The following COL12A1 variants were observed in gnomAD, a reference collection of about 807,000 sequenced individuals.
COL12A1 encodes collagen alpha-1(XII) chain.
In COL12A1, 114 loss-of-function variants were observed where a neutral mutation model predicts 349.7. The observed-to-expected ratio is 0.33, with a 90% confidence interval of 0.28 to 0.38. The LOEUF (loss-of-function observed/expected upper bound fraction) is 0.38, where lower values mean the gene tolerates loss of function less well. COL12A1 is among the 10% of genes least tolerant of loss of function. The probability of loss-of-function intolerance (pLI) is 1.00; values close to 1 mark genes in which losing one functional copy is unlikely to be tolerated. For synonymous variants in COL12A1, 1,369 were observed against 1,329.0 expected, an observed-to-expected ratio of 1.03 and a Z score of -0.66; for missense variants, 3,284 against 3,756.9, an observed-to-expected ratio of 0.87 and a Z score of 3.29.
At chr6:75,202,627 A>G (rs1770588992) in intron 2 of COL12A1, 93 bp downstream of exon 2, 1 of 1,268,272 alleles carries the variant, frequency 7.9e-7, no homozygotes, top group Non-Finnish European at 1.1e-6. Flanking sequence ...AAGCGCAGGG[A>G]AAACAGAGCA....
intron 27 of COL12A1, among the ~76,000 whole-genome samples, chr6:75,140,748 G>C (rs1766852101): frequency 1.3e-5 from 2 of 150,840 alleles, no homozygotes; most frequent in South Asian, 4.2e-4. Context: ...ACATGCCATT[G>C]AGCCTTTGGT....
rs754993978 is a variant in COL12A1, at chr6:75,145,366, G to A, written c.4650C>T (p.His1550=). 2.3e-5 allele frequency: 37 copies of A among 1,613,360 alleles called. No homozygotes were observed. Among genetic ancestry groups the A allele is most frequent in the East Asian group, 2.0e-4 (9 of 44,850 alleles). Residue 1550 remains histidine, a synonymous_variant, in exon 25 of 66, where the codon CAC becomes CAT. Transcript: ENST00000322507. ...CAGTGACAGGTTCACTAGTGAGGTC[G>A]TGCAGGACAGCCTGGACTGTGACTG... is the stretch of plus-strand genomic sequence containing the variant. The part of the protein sequence containing the change: ...EYAVTVQAVL[H]DLTSEPVTVR...
At chr6:75,181,710 G>A (rs780288188) in intron 10 of COL12A1, among the ~76,000 whole-genome samples, 2 of 151,914 alleles carry the variant, frequency 1.3e-5, no homozygotes, top group African/African-American at 4.8e-5. Flanking sequence ...CATAGAAAGA[G>A]ACAATGTTTA....
chr6:75,132,616 A>G (rs974782290), intron 34 of COL12A1, among the ~76,000 whole-genome samples: 9 of 152,202 alleles, frequency 5.9e-5, no homozygotes, highest in African/African-American at 1.9e-4. Flanking sequence ...AACTGCCCCA[A>G]TAGGAACTTA....
intron 39 of COL12A1, 24 bp downstream of exon 39, chr6:75,126,327 A>G (rs766124299): frequency 6.2e-7 from 1 of 1,600,060 alleles, no homozygotes; most frequent in East Asian, 2.2e-5. Context: ...AAGCATTTCT[A>G]TGATGACAAA....
At chr6:75,189,518 T>C in intron 6 of COL12A1, 34 bp downstream of exon 6, 2 of 1,590,758 alleles carry the variant, frequency 1.3e-6, no homozygotes, top group South Asian at 2.3e-5. Flanking sequence ...ACATTTCATT[T>C]ATTTTTAACT....
At chr6:75,162,854 T>C (rs918275572) in intron 14 of COL12A1, among the ~76,000 whole-genome samples, 4 of 152,122 alleles carry the variant, frequency 2.6e-5, no homozygotes, top group Non-Finnish European at 5.9e-5. Flanking sequence ...TGGCAAAGGA[T>C]ATTAATGGAC....
chr6:75,154,419 A>G lies in COL12A1; in HGVS notation c.3562T>C (p.Ser1188Pro), dbSNP rs1190415160. 6.2e-7 allele frequency: 1 copy of G among 1,611,326 alleles called. No individual in the cohort carries two copies. Among genetic ancestry groups the G allele is most frequent in the Admixed American group, 1.7e-5 (1 of 59,768 alleles). ...SDTTVMPILS[S>P]GMECLTRAEA... ...GGAATGTAACTCAATTTCTTACCAG[A>G]AGATAAAATTGGCATAACAGTTGTG... The change falls in exon 17 of 66, where the codon TCT becomes CCT. Residue 1188 changes from serine (S) to proline (P), a missense_variant. Physicochemically the swap from Ser to Pro is moderately conservative, Grantham distance 74. This residue lies in a region of COL12A1 where 2,601 missense variants were observed against 2,824.8 expected (regional missense o/e 0.92). Transcript: ENST00000322507.
At chr6:75,113,081 C>T in intron 51 of COL12A1, 123 bp downstream of exon 51, 2 of 501,674 alleles carry the variant, frequency 4.0e-6, no homozygotes, top group South Asian at 3.7e-5. Flanking sequence ...TTCTCTAAAA[C>T]AAGATTTTAT....
Position 75,119,493 on chromosome 6 carries a change from G to A in COL12A1, c.7087-20C>T, listed in dbSNP as rs745891966. 9 of 1,595,640 alleles carry A rather than the reference G, an allele frequency of 5.6e-6. No homozygotes were observed. The Admixed American group carries it at 1.6e-4, about 28-fold the overall frequency. ...TGAAACCTGAAGGAAAATGTGATTT[G>A]GCAGTGAGCATAAGTCATCTCATTT... On this transcript the variant is annotated intron_variant, in intron 44 of 65. Transcript: ENST00000322507.
rs1054567312 is a variant in COL12A1, at chr6:75,195,359, G to A, written c.74-412C>T. 7.9e-5 allele frequency among the ~76,000 whole-genome samples: 12 copies of A among 152,080 alleles called. 1 individual carries two copies. Reference sequence around the variant, plus strand: ...GAACAAGCATGCCAAATCACAACCTGCTTACAACCAGAGAAGTTAATTCAA... The same window carrying A: ...GAACAAGCATGCCAAATCACAACCTACTTACAACCAGAGAAGTTAATTCAA... On this transcript the variant is annotated intron_variant, in intron 2 of 65. Transcript: ENST00000322507.
intron 53 of COL12A1, among the ~76,000 whole-genome samples, chr6:75,106,200 G>A (rs1164084207): frequency 1.3e-5 from 2 of 152,192 alleles, no homozygotes; most frequent in African/African-American, 4.8e-5. Context: ...TTCTCTTAGG[G>A]AGAAGTCCCA....
rs966863892 is a variant in COL12A1, at chr6:75,191,685, T to A, written c.394+16A>T. ...CTTCCATGAATCTAAGCAAAAATAG[T>A]AAGAGAAACACTCACTTTGTATCTC... On this transcript the variant is annotated intron_variant, in intron 5 of 65. Coordinates refer to ENST00000322507, the MANE Select transcript of COL12A1 (RefSeq NM_004370.6). 4.4e-6 allele frequency: 7 copies of A among 1,582,354 alleles called. No homozygotes were observed. The highest frequency in any genetic ancestry group is 6.0e-6 in the Non-Finnish European group (7 of 1,163,662).
intron 17 of COL12A1, among the ~76,000 whole-genome samples, chr6:75,153,478 T>C (rs1375706676): frequency 2.0e-5 from 3 of 152,282 alleles, no homozygotes; most frequent in African/African-American, 4.8e-5. Flanking sequence ...CAAAAGCTTA[T>C]ATTACCAGCT....
intron 2 of COL12A1, among the ~76,000 whole-genome samples, chr6:75,195,263 A>G (rs1210843569): frequency 1.3e-5 from 2 of 152,208 alleles, no homozygotes; most frequent in Non-Finnish European, 2.9e-5. Context: ...ATGAAATCAC[A>G]TATAATAACC....
chr6:75,154,619 T>G, intron 16 of COL12A1, 82 bp from the exon 17 acceptor site: 1 of 1,393,526 alleles, frequency 7.2e-7, no homozygotes. Context: ...GTTAAAGACA[T>G]TTTTCTTGAT....
In COL12A1 at chr6:75,182,972, A is replaced by G. The variant is rs569788533; in HGVS notation, c.1891+78T>C. The G allele has an allele frequency of 1.3e-5, 19 of 1,483,446 alleles. No individual in the cohort carries two copies. In the South Asian group the frequency reaches 1.9e-4, roughly 15 times the overall value. The allele number at this position is 1,483,446 out of a possible 1,614,324, so 91.9% of individuals were successfully genotyped here. ...TTCGTGTCTATAAGAAGAATTGAAC[A>G]AGCATATTATCCACAATTTTAGAAC... On this transcript the variant is annotated intron_variant, in intron 10 of 65. Coordinates refer to ENST00000322507, the MANE Select transcript of COL12A1 (RefSeq NM_004370.6).
intron 46 of COL12A1, among the ~76,000 whole-genome samples, chr6:75,118,344 C>A (rs1451118104): frequency 6.6e-6 from 1 of 152,176 alleles, no homozygotes; most frequent in Non-Finnish European, 1.5e-5. Flanking sequence ...GCCAAAGAAT[C>A]ATGCATGTAC....
chr6:75,092,022 G>A (rs1241203457), intron 60 of COL12A1, among the ~76,000 whole-genome samples: 1 of 152,150 alleles, frequency 6.6e-6, no homozygotes, highest in African/African-American at 2.4e-5. Flanking sequence ...ACTTCATCCA[G>A]TGATTCTTTG....
Sources: allele counts gnomAD v4.1 joint callset (sites outside exome capture counted in the v4.1 genomes callset), GRCh38; gene constraint gnomAD v4.1.1; regional missense constraint gnomAD v4.1.1; transcripts MANE v1.5; gene names NCBI Gene and HGNC (gene_info 2026-07-23, HGNC 2026-07-21).